The following LRP1B variants were observed in gnomAD, a reference collection of about 807,000 sequenced individuals.
LRP1B encodes LDL receptor related protein 1B.
A neutral mutation model predicts 556.6 loss-of-function variants in LRP1B; 217 were observed. The observed-to-expected ratio is 0.39, with a 90% CI of 0.35 to 0.44. The LOEUF (loss-of-function observed/expected upper bound fraction) is 0.44. Ranked by LOEUF, LRP1B falls within the 20% of genes least tolerant of loss-of-function variation. The pLI, the probability that LRP1B is intolerant of heterozygous loss-of-function variation, is 1.00. For missense variants in LRP1B, 5,053 were observed against 5,620.8 expected, an observed-to-expected ratio of 0.90 and a Z score of 3.23; for synonymous variants, 2,047 against 1,865.8, an observed-to-expected ratio of 1.10 and a Z score of -2.50.
chr2:140,330,247 G>C (rs1680738681), intron 79 of LRP1B, among the ~76,000 whole-genome samples: 1 of 131,524 alleles, frequency 7.6e-6, no homozygotes, highest in South Asian at 2.5e-4. Context: ...ATAATATGGA[G>C]CCAAAAAAGA....
intron 20 of LRP1B, among the ~76,000 whole-genome samples, chr2:140,930,044 T>C (rs1470351415): frequency 6.6e-6 from 1 of 152,084 alleles, no homozygotes; most frequent in Non-Finnish European, 1.5e-5. Context: ...GAAGAACCTA[T>C]GATGACCATT....
intron 66 of LRP1B, among the ~76,000 whole-genome samples, chr2:140,429,935 C>A (rs142842694): frequency 0.011 from 1,722 of 152,278 alleles, 28 homozygotes; most frequent in African/African-American, 0.039. Flanking sequence ...TTCAGCTGTA[C>A]TCACTCTTTG....
intron 14 of LRP1B, among the ~76,000 whole-genome samples, chr2:141,009,743 TA>T (rs1412012217): frequency 6.6e-6 from 1 of 152,026 alleles, no homozygotes; most frequent in Non-Finnish European, 1.5e-5. Context: ...AACTTTATAT[TA>T]AAAATATATA....
intron 1 of LRP1B, among the ~76,000 whole-genome samples, chr2:142,004,176 T>A (rs1702737350): frequency 6.6e-6 from 1 of 152,020 alleles, no homozygotes; most frequent in Non-Finnish European, 1.5e-5. Context: ...CTGAGACAAA[T>A]GCCATGGAAC....
At chr2:141,950,628 A>G (rs1701081014) in intron 1 of LRP1B, among the ~76,000 whole-genome samples, 2 of 152,186 alleles carry the variant, frequency 1.3e-5, no homozygotes, top group Non-Finnish European at 2.9e-5. Flanking sequence ...GGAATTTTGG[A>G]TAATGAAACA....
intron 1 of LRP1B, among the ~76,000 whole-genome samples, chr2:141,964,973 C>G (rs2105062542): frequency 6.7e-6 from 1 of 148,802 alleles, no homozygotes; most frequent in African/African-American, 2.5e-5. Context: ...GACATTTATG[C>G]AGCCAAAAAA....
chr2:141,364,061 T>C (rs1031864769), intron 3 of LRP1B, among the ~76,000 whole-genome samples: 20 of 152,156 alleles, frequency 1.3e-4, no homozygotes, highest in Non-Finnish European at 4.4e-5. Context: ...ATTCAGTCCT[T>C]ATCTTGATAC....
chr2:140,812,359 T>C (rs1331810689), intron 32 of LRP1B, among the ~76,000 whole-genome samples: 1 of 152,022 alleles, frequency 6.6e-6, no homozygotes, highest in Non-Finnish European at 1.5e-5. Context: ...TCTTAACACT[T>C]AAGGTTTGTT....
At chr2:141,010,982 A>G (rs934793142) in intron 14 of LRP1B, among the ~76,000 whole-genome samples, 5 of 142,566 alleles carry the variant, frequency 3.5e-5, no homozygotes, top group Non-Finnish European at 6.2e-5. Context: ...GTGTGTGTGT[A>G]TTAATACTAT....
rs117849580 is a variant in LRP1B at position 141,309,358 on chromosome 2, G to A, written c.344-54717C>T. Among the ~76,000 whole-genome samples, 70 of 152,262 alleles carry A rather than the reference G, an allele frequency of 4.6e-4. No individual in the cohort carries two copies. In the East Asian group the frequency reaches 9.3e-3, roughly 20 times the overall value. ...TGATAATTTTCTGTCTTCTCCTTCC[G>A]TGAACGGAAAAGAGATTGAAGTGGA... On this transcript the variant is annotated intron_variant, in intron 3 of 90. Coordinates refer to ENST00000389484, the MANE Select transcript of LRP1B (RefSeq NM_018557.3).
chr2:141,442,834 G>A (rs937196354), intron 3 of LRP1B, among the ~76,000 whole-genome samples: 1 of 151,988 alleles, frequency 6.6e-6, no homozygotes, highest in Non-Finnish European at 1.5e-5. Flanking sequence ...TAAAATTGAC[G>A]GGCATTTGGG....
At chr2:140,811,859 A>C (rs1280738219) in intron 32 of LRP1B, among the ~76,000 whole-genome samples, 2 of 152,084 alleles carry the variant, frequency 1.3e-5, no homozygotes, top group East Asian at 3.9e-4. Flanking sequence ...TATATATGTA[A>C]CTTCTGGATA....
At chr2:141,429,196 G>A (rs1680478528) in intron 3 of LRP1B, among the ~76,000 whole-genome samples, 1 of 152,042 alleles carries the variant, frequency 6.6e-6, no homozygotes, top group South Asian at 2.1e-4. Context: ...TCCACCTCCT[G>A]AAACATTTAA....
At chr2:141,240,992 G>A (rs967528264) in intron 5 of LRP1B, among the ~76,000 whole-genome samples, 1 of 152,032 alleles carries the variant, frequency 6.6e-6, no homozygotes, top group South Asian at 2.1e-4. Context: ...TGTCAAAAAC[G>A]GTGCTAGACT....
At chr2:141,476,671 A>G (rs1682717563) in intron 3 of LRP1B, among the ~76,000 whole-genome samples, 1 of 152,192 alleles carries the variant, frequency 6.6e-6, no homozygotes. Flanking sequence ...CTTTACTAGA[A>G]AGATATTGAC....
intron 2 of LRP1B, among the ~76,000 whole-genome samples, chr2:141,525,394 G>T (rs972709460): frequency 2.6e-5 from 4 of 151,944 alleles, no homozygotes; most frequent in Non-Finnish European, 2.9e-5. Context: ...ACTGCTTGGG[G>T]TTTTTTTCAT....
At chr2:141,003,427 A>T (rs866058706) in intron 15 of LRP1B, among the ~76,000 whole-genome samples, 12 of 152,048 alleles carry the variant, frequency 7.9e-5, no homozygotes, top group African/African-American at 2.9e-4. Flanking sequence ...GTCCCCACCC[A>T]AATCTTGAAT....
intron 7 of LRP1B, among the ~76,000 whole-genome samples, chr2:141,158,553 G>A (rs1702124322): frequency 6.6e-6 from 1 of 151,916 alleles, no homozygotes; most frequent in African/African-American, 2.4e-5. Context: ...TTCTCTCTGT[G>A]GCCCATCTTG....
At chr2:140,263,665 T>C (rs1253134115) in intron 86 of LRP1B, among the ~76,000 whole-genome samples, 5 of 152,146 alleles carry the variant, frequency 3.3e-5, no homozygotes, top group East Asian at 1.9e-4. Context: ...CAGAGTTCAG[T>C]GGAGCTCTTT....
Sources: gnomAD v4.1 joint callset for allele counts (sites outside exome capture counted in the v4.1 genomes callset) on GRCh38, gnomAD v4.1.1 for gene constraint, MANE v1.5 for transcripts, NCBI Gene and HGNC (gene_info 2026-07-23, HGNC 2026-07-21) for gene names.